The following SPATA7 variants were observed in gnomAD, a reference collection of about 807,000 sequenced individuals.
SPATA7 encodes the protein spermatogenesis associated 7.
SPATA7 carries 43 observed loss-of-function variants against 51.8 expected under a neutral mutation model. The observed-to-expected ratio is 0.83, with a 90% CI of 0.65 to 1.07. The LOEUF is 1.07. Among genes scored for constraint, SPATA7 ranks in the 50% least tolerant of loss-of-function variants. The pLI, the probability that SPATA7 is intolerant of heterozygous loss-of-function variation, is 0.00. For missense variants in SPATA7, 683 were observed against 701.3 expected, an observed-to-expected ratio of 0.97 and a Z score of 0.30; for synonymous variants, 230 against 252.8, an observed-to-expected ratio of 0.91 and a Z score of 0.86.
rs10139784 is a variant in SPATA7, at chr14:88,438,223, G to T, written c.1601G>T (p.Arg534Leu). ...HPSISDSLTD[R>L]ETSVNVIEGD... is the part of the protein sequence containing the mutation. ...AGTATTTCAGACAGTTTAACAGATCGGGAAACTTCTGTGAATGTCATTGAA... is the reference window on the plus strand; with the variant it reads ...AGTATTTCAGACAGTTTAACAGATCTGGAAACTTCTGTGAATGTCATTGAA... The change falls in exon 12 of 12, where the codon CGG (arginine) becomes CTG (leucine). Residue 534 changes from arginine (R) to leucine (L), a missense_variant. Transcript: ENST00000393545. 12 of 1,613,908 alleles carry T rather than the reference G, an allele frequency of 7.4e-6. No homozygotes were observed. In the South Asian group the frequency reaches 1.3e-4, roughly 18 times the overall value.
chr14:88,442,853 A>G (rs573815364), downstream of SPATA7, among the ~76,000 whole-genome samples: 1 of 151,814 alleles, frequency 6.6e-6, no homozygotes, highest in Admixed American at 6.6e-5. Context: ...TAGTGTCCAT[A>G]GGATTGGTAC....
chr14:88,443,145 A>G (rs1311777232), downstream of SPATA7, among the ~76,000 whole-genome samples: 1 of 152,068 alleles, frequency 6.6e-6, no homozygotes, highest in African/African-American at 2.4e-5. Context: ...TGGTTTCACC[A>G]TGTTGGCCAG....
Position 88,469,471 on chromosome 14 carries a change from T to C in SPATA7, c.255-376T>C, listed in dbSNP as rs1456412873. 6.4e-7 allele frequency: 1 copy of C among 1,553,062 alleles called. No individual in the cohort carries two copies. Among genetic ancestry groups the C allele is most frequent in the Admixed American group, 1.7e-5 (1 of 59,930 alleles). Reference sequence around the variant, plus strand: ...TGTTTAACACCTCCAGAGGCAGCTGTCCTCGGAACAAAGTTAAAGTCACTC... The same window carrying C: ...TGTTTAACACCTCCAGAGGCAGCTGCCCTCGGAACAAAGTTAAAGTCACTC... On this transcript the variant is annotated intron_variant, in intron 4 of 4. Transcript: ENST00000556406. This position sits in a 1 kb window ranked among gnomAD's most constrained non-coding sequence, Gnocchi z 4.3.
intron 4 of SPATA7, among the ~76,000 whole-genome samples, chr14:88,399,353 T>G (rs1260423423): frequency 6.6e-6 from 1 of 152,126 alleles, no homozygotes. Context: ...CAAACCTTCG[T>G]GTAGGCTGTC....
intron 3 of SPATA7, 68 bp downstream of exon 3, chr14:88,393,556 A>G (rs1566748212): frequency 2.6e-6 from 3 of 1,140,704 alleles, no homozygotes; most frequent in African/African-American, 1.5e-5. Flanking sequence ...TCATTAAAAT[A>G]TATCTATAGC....
chr14:88,422,348 A>G (rs2076669202), intron 5 of SPATA7, among the ~76,000 whole-genome samples: 2 of 152,120 alleles, frequency 1.3e-5, no homozygotes, highest in African/African-American at 4.8e-5. Context: ...TTTAGAATAA[A>G]TCTGTTATCT....
intron 4 of SPATA7, chr14:88,466,697 G>GGCTC (rs1250991575): frequency 6.6e-6 from 1 of 152,194 alleles, no homozygotes; most frequent in Non-Finnish European, 1.5e-5. Flanking sequence ...AACTCAGCCT[G>GGCTC]GCTCTGTCTA....
At chr14:88,400,615 C>CT (rs1016690877) in intron 4 of SPATA7, among the ~76,000 whole-genome samples, 1 of 152,142 alleles carries the variant, frequency 6.6e-6, no homozygotes, top group Non-Finnish European at 1.5e-5. Flanking sequence ...AGGCAGATCA[C>CT]TTGAGGTCAG....
Position 88,433,231 on chromosome 14 carries a change from G to A in SPATA7, c.1160+19G>A. On this transcript the variant is annotated intron_variant, in intron 10 of 11. Coordinates refer to ENST00000393545, the MANE Select transcript of SPATA7 (RefSeq NM_018418.5). ...CAAACAGGTTAGTTTTTTTAATGGTGTTATGTTAATTCAGGAGTACATTAA... is the reference window on the plus strand; with the variant it reads ...CAAACAGGTTAGTTTTTTTAATGGTATTATGTTAATTCAGGAGTACATTAA... 2 of 1,519,564 alleles carry A rather than the reference G, an allele frequency of 1.3e-6. No individual in the cohort carries two copies. Among genetic ancestry groups the A allele is most frequent in the Non-Finnish European group, 1.8e-6 (2 of 1,099,044 alleles). 94.1% of individuals were successfully genotyped at this position (1,519,564 alleles called of 1,614,324 possible).
chr14:88,425,784 C>T (rs1465623361), intron 5 of SPATA7, among the ~76,000 whole-genome samples: 3 of 152,010 alleles, frequency 2.0e-5, no homozygotes, highest in African/African-American at 4.8e-5. Context: ...AGTTCCTTTT[C>T]GTTTCTTTAA....
At chr14:88,390,707 G>A (rs1052458153) in intron 1 of SPATA7, among the ~76,000 whole-genome samples, 1 of 152,162 alleles carries the variant, frequency 6.6e-6, no homozygotes, top group African/African-American at 2.4e-5. Flanking sequence ...AGGTGAAGAG[G>A]CATTGAATTC....
downstream of SPATA7, among the ~76,000 whole-genome samples, chr14:88,458,692 A>AT (rs765556123): frequency 4.6e-5 from 7 of 151,950 alleles, no homozygotes; most frequent in African/African-American, 7.3e-5. Context: ...GGATTCATTG[A>AT]TTTTTTGAAG....
intron 4 of SPATA7, chr14:88,414,768 G>GT: frequency 1.7e-5 from 5 of 294,158 alleles, no homozygotes; most frequent in South Asian, 2.9e-5. Context: ...ATTTCAAAGA[G>GT]TTTTTTTGTT....
chr14:88,426,448 G>GCCCT lies in SPATA7; in HGVS notation c.590_593dup (p.Tyr199ProfsTer31). The GCCCT allele has an allele frequency of 6.2e-7, 1 of 1,614,156 alleles. No homozygotes were observed. Among genetic ancestry groups the GCCCT allele is most frequent in the Non-Finnish European group, 8.5e-7 (1 of 1,180,036 alleles). Reference sequence around the variant, plus strand: ...CGGGCCCCGGAAACTGAGCTCTGGAGCCCTGTATGGCAGAAGGCCCAGAAG... The same window carrying GCCCT: ...CGGGCCCCGGAAACTGAGCTCTGGAGCCCTCCCTGTATGGCAGAAGGCCCAGAAG... On this transcript the variant is annotated frameshift_variant, in exon 6 of 12. Transcript: ENST00000393545. LOFTEE classifies it high-confidence loss of function.
At chr14:88,397,399 A>ATAATCAGCACTT (rs143988786) in intron 4 of SPATA7, among the ~76,000 whole-genome samples, 5,363 of 152,204 alleles carry the variant, frequency 0.035, 311 homozygotes, top group African/African-American at 0.12. Flanking sequence ...GCTCACACCT[A>ATAATCAGCACTT]TGGGAGACAG....
At chr14:88,403,515 C>A (rs1377245345) in intron 4 of SPATA7, among the ~76,000 whole-genome samples, 1 of 152,054 alleles carries the variant, frequency 6.6e-6, no homozygotes, top group Non-Finnish European at 1.5e-5. Context: ...TTATAACATA[C>A]ACAGACACAT....
chr14:88,399,498 A>T (rs1338607406), intron 4 of SPATA7, among the ~76,000 whole-genome samples: 1 of 152,214 alleles, frequency 6.6e-6, no homozygotes, highest in Non-Finnish European at 1.5e-5. Context: ...TGGGCAAGTC[A>T]TTTTACCTCT....
Position 88,454,190 on chromosome 14 carries a change from AG to A in SPATA7, c.178-868del, listed in dbSNP as rs2077269466. Among the ~76,000 whole-genome samples the A allele has an allele frequency of 3.3e-5, 5 of 152,296 alleles. No individual in the cohort carries two copies. In the South Asian group the frequency reaches 1.0e-3, roughly 32 times the overall value. ...ATTGCTGGAGCCACATTCCTCTTGGAGGCTGTAGGGGAGAATCTGTTTCCTT... is the reference window on the plus strand; with the variant it reads ...ATTGCTGGAGCCACATTCCTCTTGGAGCTGTAGGGGAGAATCTGTTTCCTT... On this transcript the variant is annotated intron_variant, in intron 3 of 3. Transcript: ENST00000554802.
intron 4 of SPATA7, chr14:88,415,263 A>G: frequency 5.5e-6 from 2 of 361,784 alleles, no homozygotes; most frequent in Non-Finnish European, 1.2e-5. Flanking sequence ...TATACCTAGG[A>G]TAGGTAAGTC....
Sources: gnomAD v4.1 joint callset for allele counts (sites outside exome capture counted in the v4.1 genomes callset) on GRCh38, gnomAD v4.1.1 for gene constraint, Gnocchi (gnomAD v3.1) non-coding constraint, MANE v1.5 for transcripts, NCBI Gene and HGNC (gene_info 2026-07-23, HGNC 2026-07-21) for gene names.